CSMD1: variants seen among roughly 807,000 people sequenced by gnomAD.
CSMD1 encodes the protein CUB and sushi domain-containing protein 1.
A neutral mutation model predicts 417.5 loss-of-function variants in CSMD1; 213 were observed. That is an observed-to-expected ratio of 0.51 (90% CI 0.46 to 0.57). The LOEUF (loss-of-function observed/expected upper bound fraction) is 0.57. Ranked by LOEUF, CSMD1 falls within the 20% of genes least tolerant of loss-of-function variation. The pLI is 0.00. For missense variants in CSMD1, 6,923 were observed against 4,529.7 expected (o/e 1.53, Z -15.17); for synonymous variants, 2,862 against 1,736.8 (o/e 1.65, Z -16.11).
intron 3 of CSMD1, among the ~76,000 whole-genome samples, chr8:4,076,283 C>T (rs546364435): frequency 6.6e-6 from 1 of 152,302 alleles, no homozygotes; most frequent in African/African-American, 2.4e-5. Flanking sequence ...ATGTTTGCTT[C>T]TCCCTCTGCC....
At chr8:3,228,447 C>T (rs979993174) in intron 27 of CSMD1, among the ~76,000 whole-genome samples, 1 of 152,180 alleles carries the variant, frequency 6.6e-6, no homozygotes, top group African/African-American at 2.4e-5. Flanking sequence ...AACACCTACG[C>T]ATGTAGGCGG....
chr8:4,305,341 T>G (rs765176786), intron 3 of CSMD1, among the ~76,000 whole-genome samples: 1 of 152,034 alleles, frequency 6.6e-6, no homozygotes, highest in South Asian at 2.1e-4. Flanking sequence ...GCAAGAGAAG[T>G]GAGACCCGAA....
chr8:3,524,358 G>C (rs1797662265), intron 10 of CSMD1, among the ~76,000 whole-genome samples: 1 of 137,092 alleles, frequency 7.3e-6, no homozygotes, highest in Non-Finnish European at 1.6e-5. Context: ...CAGAAAGACA[G>C]GCGCACACAA....
intron 3 of CSMD1, among the ~76,000 whole-genome samples, chr8:4,339,694 T>C (rs1240713098): frequency 1.3e-5 from 2 of 152,004 alleles, no homozygotes; most frequent in African/African-American, 2.4e-5. Flanking sequence ...TTTCCAGGTT[T>C]GAGTGAGTGA....
intron 26 of CSMD1, among the ~76,000 whole-genome samples, chr8:3,259,104 G>C (rs544812657): frequency 1.2e-4 from 18 of 152,298 alleles, no homozygotes; most frequent in African/African-American, 4.3e-4. Context: ...CTTAACCACA[G>C]CTTTTATGAC....
intron 1 of CSMD1, among the ~76,000 whole-genome samples, chr8:4,675,001 AG>A (rs1563117805): frequency 6.6e-6 from 1 of 152,174 alleles, no homozygotes; most frequent in Non-Finnish European, 1.5e-5. Context: ...AACCAAGAAG[AG>A]AGCCTTCCCC....
At chr8:4,236,055 T>TTTTTTTTTTTTTTTTTTTTTTTTTTG (rs1802038108) in intron 3 of CSMD1, among the ~76,000 whole-genome samples, 3 of 83,750 alleles carry the variant, frequency 3.6e-5, no homozygotes, top group Non-Finnish European at 7.8e-5. Context: ...TTTTTTTTTT[T>TTTTTTTTTTTTTTTTTTTTTTTTTTG]TTTTTTTTTT....
Position 3,308,367 on chromosome 8 carries a change from CA to C in CSMD1, c.3767del (p.Leu1256ArgfsTer4). The C allele has an allele frequency of 6.2e-7, 1 of 1,613,742 alleles. No homozygotes were observed. The highest frequency in any genetic ancestry group is 8.5e-7 in the Non-Finnish European group (1 of 1,179,754). Reference sequence around the variant, plus strand: ...CTCTCCTGTCTCCACTCAAACAGGTCAGGGTGTTGCTGCCATGCATGGCGTA... The same window carrying C: ...CTCTCCTGTCTCCACTCAAACAGGTCGGGTGTTGCTGCCATGCATGGCGTA... ...PGYAMHGSNT[L>X]TCLSGDRRVW... On this transcript the variant is annotated frameshift_variant, in exon 24 of 70. Coordinates refer to ENST00000635120, the MANE Select transcript of CSMD1 (RefSeq NM_033225.6). LOFTEE classifies it high-confidence loss of function.
chr8:4,135,372 A>AAGTGGGAAAG (rs745441060), intron 3 of CSMD1, among the ~76,000 whole-genome samples: 3 of 41,886 alleles, frequency 7.2e-5, no homozygotes, highest in Non-Finnish European at 1.4e-4. Context: ...AGGAAGGGGA[A>AAGTGGGAAAG]AGTGGGAAAG....
chr8:3,975,319 A>G (rs1813358808), intron 5 of CSMD1, among the ~76,000 whole-genome samples: 2 of 152,094 alleles, frequency 1.3e-5, no homozygotes, highest in South Asian at 4.1e-4. Context: ...TGCCCTTAGA[A>G]CAGTTTGGAT....
chr8:4,083,385 A>T lies in CSMD1; in HGVS notation c.416-51286T>A, dbSNP rs527877871. Among the ~76,000 whole-genome samples, 26 of 152,162 alleles carry T rather than the reference A, an allele frequency of 1.7e-4. No individual in the cohort carries two copies. The South Asian group carries it at 5.4e-3, about 32-fold the overall frequency. On this transcript the variant is annotated intron_variant, in intron 3 of 69. Coordinates refer to ENST00000635120, the MANE Select transcript of CSMD1 (RefSeq NM_033225.6). ...GGCCAGTGATGGTGAGCATTTTTTCATGTGTTTTTTGGCTGCATAAATGTC... is the reference window on the plus strand; with the variant it reads ...GGCCAGTGATGGTGAGCATTTTTTCTTGTGTTTTTTGGCTGCATAAATGTC...
chr8:3,864,710 A>G (rs1316388278), intron 5 of CSMD1, among the ~76,000 whole-genome samples: 2 of 152,096 alleles, frequency 1.3e-5, no homozygotes, highest in East Asian at 3.9e-4. Context: ...AGGTTGGAAC[A>G]TTATGGTAAT....
At chr8:4,360,063 G>A (rs1801662844) in intron 3 of CSMD1, among the ~76,000 whole-genome samples, 1 of 152,142 alleles carries the variant, frequency 6.6e-6, no homozygotes. Flanking sequence ...TCTCGTCTCT[G>A]ACCGCCTGGG....
chr8:4,068,960 G>C (rs548800313), intron 3 of CSMD1, among the ~76,000 whole-genome samples: 3 of 152,250 alleles, frequency 2.0e-5, no homozygotes, highest in Non-Finnish European at 2.9e-5. Flanking sequence ...TACAATTTAA[G>C]TTTTCTCCTT....
intron 1 of CSMD1, among the ~76,000 whole-genome samples, chr8:4,912,226 G>C (rs1805737065): frequency 6.6e-6 from 1 of 151,954 alleles, no homozygotes; most frequent in Middle Eastern, 3.2e-3. Flanking sequence ...GTGGAGACCT[G>C]CTTCCAGAGC....
intron 3 of CSMD1, among the ~76,000 whole-genome samples, chr8:4,193,248 A>T (rs1271002137): frequency 6.6e-6 from 1 of 152,192 alleles, no homozygotes; most frequent in Non-Finnish European, 1.5e-5. Flanking sequence ...CCTTAACGAC[A>T]GGGTATTGTG....
intron 2 of CSMD1, among the ~76,000 whole-genome samples, chr8:4,593,221 C>T (rs982181110): frequency 6.6e-6 from 1 of 152,188 alleles, no homozygotes; most frequent in Non-Finnish European, 1.5e-5. Flanking sequence ...TTTGCTGCTG[C>T]TGAAAAGCAA....
intron 1 of CSMD1, among the ~76,000 whole-genome samples, chr8:4,830,531 G>C (rs1396492029): frequency 6.6e-6 from 1 of 152,214 alleles, no homozygotes; most frequent in African/African-American, 2.4e-5. Context: ...ATTACCAGGA[G>C]ATTGCAGTTT....
At chr8:4,391,171 T>G (rs1563124280) in intron 3 of CSMD1, among the ~76,000 whole-genome samples, 1 of 152,174 alleles carries the variant, frequency 6.6e-6, no homozygotes, top group Non-Finnish European at 1.5e-5. Flanking sequence ...TGGCAAGAAC[T>G]ATTCTTCATC....
Sources: allele counts gnomAD v4.1 joint callset (sites outside exome capture counted in the v4.1 genomes callset), GRCh38; gene constraint gnomAD v4.1.1; transcripts MANE v1.5; gene names NCBI Gene and HGNC (gene_info 2026-07-23, HGNC 2026-07-21).